The following NTAQ1 variants were observed in gnomAD, a reference collection of about 807,000 sequenced individuals.
The protein encoded by NTAQ1 is protein N-terminal glutamine amidohydrolase.
NTAQ1 carries 21 observed loss-of-function variants against 28.2 expected under a neutral mutation model. That is an observed-to-expected ratio of 0.74 (90% confidence interval 0.53 to 1.07). The LOEUF is 1.07. NTAQ1 is among the 50% of genes least tolerant of loss of function. The pLI, the probability that NTAQ1 is intolerant of heterozygous loss-of-function variation, is 0.00. For synonymous variants in NTAQ1, 105 were observed against 90.0 expected (o/e 1.17, Z -0.94); for missense variants, 264 against 256.6 (o/e 1.03, Z -0.20).
At chr8:123,475,214 C>T in the NTAQ1 span, among the ~76,000 whole-genome samples, 1 of 152,208 alleles carries the variant, frequency 6.6e-6, no homozygotes, top group African/African-American at 2.4e-5. Flanking sequence ...AACAGGTTGG[C>T]TCCTGTATCC....
rs1021480869 is a variant in NTAQ1 at position 123,436,576 on chromosome 8, G to A, written c.358G>A (p.Asp120Asn). 5.0e-6 allele frequency: 8 copies of A among 1,613,828 alleles called. No homozygotes were observed. Among genetic ancestry groups the A allele is most frequent in the South Asian group, 1.1e-5 (1 of 91,050 alleles). ...TYVEDAFKSDDDIHPQFRRKF... is the reference protein window; with the variant it reads ...TYVEDAFKSDNDIHPQFRRKF... The stretch of plus-strand genomic sequence containing the variant: ...TGTAGAAGATGCCTTTAAGTCTGAT[G>A]ATGACATTCACCCACAGTTTAGGAG... The change falls in exon 4 of 6, where the codon GAT (aspartate) becomes AAT (asparagine). Residue 120 changes from aspartate to asparagine, a missense_variant. By Grantham distance (23) the Asp-to-Asn change is conservative (BLOSUM62 1). Transcript: ENST00000287387.
rs763903346 is a variant in NTAQ1 at position 123,436,454 on chromosome 8, A to T, written c.236A>T (p.Asp79Val). 2 of 1,612,040 alleles carry T rather than the reference A, an allele frequency of 1.2e-6. No homozygotes were observed. The highest frequency in any genetic ancestry group is 1.7e-6 in the Non-Finnish European group (2 of 1,179,300). The part of the protein sequence containing the change: ...ARPGDGPVIW[D>V]YHVVLLHVSS... ...AACTTCAGCAACTTTTACTTTTAGG[A>T]TTACCATGTTGTTTTGCTTCATGTT... Residue 79 changes from aspartate (D) to valine (V), a missense_variant and splice_region_variant, in exon 4 of 6, where the codon GAT becomes GTT. Coordinates refer to ENST00000287387, the MANE Select transcript of NTAQ1 (RefSeq NM_018024.3).
intron 6 of NTAQ1, among the ~76,000 whole-genome samples, chr8:123,458,470 T>C (rs369617836): frequency 6.6e-6 from 1 of 152,144 alleles, no homozygotes. Context: ...GCTAAGTAGC[T>C]GTCTGTGTGC....
rs1426111397 is a variant in NTAQ1 at position 123,438,269 on chromosome 8, G to T, written c.508+935G>T. The stretch of plus-strand genomic sequence containing the variant: ...TAATTCACAACATTCCCACTTAGGG[G>T]TGAGATCATCCCAACACCTGGATAA... On this transcript the variant is annotated intron_variant, in intron 5 of 5. Coordinates refer to ENST00000287387, the MANE Select transcript of NTAQ1 (RefSeq NM_018024.3). The T allele has an allele frequency of 4.4e-6, 3 of 687,616 alleles. No homozygotes were observed. The East Asian group carries it at 8.1e-5, about 19-fold the overall frequency. 42.6% of individuals were successfully genotyped at this position (687,616 alleles called of 1,614,324 possible). A position where few individuals can be genotyped will look rare whatever the true frequency, so the allele number is the denominator to read the frequency against.
At chr8:123,437,823 G>A (rs1814819548) in intron 5 of NTAQ1, among the ~76,000 whole-genome samples, 1 of 152,194 alleles carries the variant, frequency 6.6e-6, no homozygotes, top group Non-Finnish European at 1.5e-5. Context: ...GAATAGGACT[G>A]GAAGGCATAA....
chr8:123,444,192 TTTTG>T (rs980066382), downstream of NTAQ1, among the ~76,000 whole-genome samples: 5 of 152,062 alleles, frequency 3.3e-5, no homozygotes, highest in South Asian at 2.1e-4. Context: ...TAAAGTAGAA[TTTTG>T]TTTGTTTGCT....
intron 6 of NTAQ1, among the ~76,000 whole-genome samples, chr8:123,456,957 A>G (rs961611288): frequency 6.6e-6 from 1 of 152,202 alleles, no homozygotes; most frequent in African/African-American, 2.4e-5. Flanking sequence ...GGGCATAACA[A>G]CAGGAAGTTG....
chr8:123,446,877 C>T (rs1450353564), downstream of NTAQ1, among the ~76,000 whole-genome samples: 1 of 152,168 alleles, frequency 6.6e-6, no homozygotes, highest in African/African-American at 2.4e-5. Context: ...GTTTGGTTTT[C>T]TCTGTCTGGT....
chr8:123,464,755 T>C (rs1815921612), intron 6 of NTAQ1, among the ~76,000 whole-genome samples: 1 of 152,132 alleles, frequency 6.6e-6, no homozygotes, highest in Admixed American at 6.5e-5. Context: ...GGGACTTAAA[T>C]GTGGGCCCTT....
At chr8:123,453,009 G>A (rs1815548699), downstream of NTAQ1, among the ~76,000 whole-genome samples, 1 of 152,210 alleles carries the variant, frequency 6.6e-6, no homozygotes, top group South Asian at 2.1e-4. Flanking sequence ...GGTTTCCATG[G>A]GGACCTGGAG....
intron 1 of NTAQ1, among the ~76,000 whole-genome samples, chr8:123,419,618 G>T (rs1813541053): frequency 6.6e-6 from 1 of 152,106 alleles, no homozygotes; most frequent in Non-Finnish European, 1.5e-5. Flanking sequence ...CTTTGTGCCA[G>T]GGGTCCTCCC....
chr8:123,469,624 AAT>A (rs1488085381), exon 7 of NTAQ1, among the ~76,000 whole-genome samples: 2 of 152,246 alleles, frequency 1.3e-5, no homozygotes, highest in Non-Finnish European at 2.9e-5. Context: ...TCAAAATAAA[AAT>A]ACTAAAATGT....
intron 5 of NTAQ1, among the ~76,000 whole-genome samples, chr8:123,440,143 C>A (rs1255697109): frequency 9.3e-6 from 1 of 106,958 alleles, no homozygotes; most frequent in African/African-American, 3.6e-5. Context: ...CCAGGATTAA[C>A]TCCTTTTTTT....
intron 6 of NTAQ1, among the ~76,000 whole-genome samples, chr8:123,457,405 C>A (rs940522282): frequency 6.6e-6 from 1 of 152,016 alleles, no homozygotes; most frequent in Non-Finnish European, 1.5e-5. Context: ...TATAAATATT[C>A]TTTTGTATGT....
chr8:123,474,627 A>G (rs1000719282), downstream of NTAQ1, among the ~76,000 whole-genome samples: 3 of 152,194 alleles, frequency 2.0e-5, no homozygotes, highest in African/African-American at 4.8e-5. Context: ...AAATATTGCC[A>G]GGCGTGGTGG....
At position 123,428,041 on chromosome 8, in the gene NTAQ1, T is replaced by C; in HGVS notation, c.183+18T>C. 1.9e-6 allele frequency: 3 copies of C among 1,544,388 alleles called. 1 individual carries two copies. The East Asian group carries it at 6.8e-5, about 35-fold the overall frequency. ...GGAAGATGGTAAGTTGGTGAGTGAT[T>C]GCAGAAAGAAAACAAGAGATTTAGG... is the stretch of plus-strand genomic sequence containing the variant. On this transcript the variant is annotated intron_variant, in intron 2 of 5. Transcript: ENST00000287387.
intron 2 of NTAQ1, among the ~76,000 whole-genome samples, chr8:123,428,670 G>T (rs944236439): frequency 6.6e-6 from 1 of 150,800 alleles, no homozygotes; most frequent in South Asian, 2.1e-4. Context: ...GTGTGATCTC[G>T]GCTCACTGCA....
chr8:123,462,175 A>G lies in NTAQ1; in HGVS notation c.373-4904A>G, dbSNP rs140685771. Among the ~76,000 whole-genome samples, 975 of 152,122 alleles carry G rather than the reference A, an allele frequency of 6.4e-3. 16 individuals are homozygous for G. Among genetic ancestry groups the G allele is most frequent in the African/African-American group, 0.022 (932 of 41,496 alleles). On this transcript the variant is annotated intron_variant, in intron 6 of 6. Coordinates refer to the NTAQ1 transcript ENST00000650311. ...ATTCTCATGCCTTAGCCTCCCGAGT[A>G]GCTGGGACTACAGGTGCATGCCACC...
exon 7 of NTAQ1, among the ~76,000 whole-genome samples, chr8:123,468,208 C>T (rs1281457959): frequency 6.6e-6 from 1 of 152,202 alleles, no homozygotes; most frequent in Non-Finnish European, 1.5e-5. Context: ...AAATTCAAAA[C>T]TTTATTTATG....
Sources: gnomAD v4.1 joint callset for allele counts (sites outside exome capture counted in the v4.1 genomes callset) on GRCh38, gnomAD v4.1.1 for gene constraint, MANE v1.5 for transcripts, NCBI Gene and HGNC (gene_info 2026-07-23, HGNC 2026-07-21) for gene names.